Variants in NSG2 observed in about 807,000 individuals in gnomAD.
The protein encoded by NSG2 is neuronal vesicle trafficking associated 2.
NSG2 carries 4 observed loss-of-function variants against 16.9 expected under a neutral mutation model. The ratio of observed to expected loss-of-function variants is 0.24; its 90% CI spans 0.12 to 0.54. The LOEUF (loss-of-function observed/expected upper bound fraction) is 0.54, where lower values mean the gene tolerates loss of function less well. Among genes scored for constraint, NSG2 ranks in the 20% least tolerant of loss-of-function variants. The probability of loss-of-function intolerance (pLI) is 0.95; values close to 1 mark genes in which losing one functional copy is unlikely to be tolerated. For synonymous variants in NSG2, 98 were observed against 88.7 expected, an observed-to-expected ratio of 1.11 and a Z score of -0.59; for missense variants, 179 against 221.1, an observed-to-expected ratio of 0.81 and a Z score of 1.21.
intron 3 of NSG2, among the ~76,000 whole-genome samples, chr5:174,073,536 C>G (rs1261897756): frequency 6.6e-6 from 1 of 152,218 alleles, no homozygotes; most frequent in Non-Finnish European, 1.5e-5. Flanking sequence ...TATTGAAAAT[C>G]AGACTGAAGA....
At chr5:174,078,664 G>A in intron 3 of NSG2, among the ~76,000 whole-genome samples, 1 of 152,128 alleles carries the variant, frequency 6.6e-6, no homozygotes, top group East Asian at 1.9e-4. Flanking sequence ...TGGGGCCTTT[G>A]GGAAGTGATT....
intron 3 of NSG2, among the ~76,000 whole-genome samples, chr5:174,101,850 T>C (rs1355658163): frequency 2.0e-5 from 3 of 152,196 alleles, no homozygotes; most frequent in Non-Finnish European, 4.4e-5. Flanking sequence ...TTTCCTGTAC[T>C]ATTCAAATAG....
chr5:174,057,943 A>G (rs765711993), intron 2 of NSG2, among the ~76,000 whole-genome samples: 4 of 152,102 alleles, frequency 2.6e-5, no homozygotes, highest in Non-Finnish European at 5.9e-5. Context: ...ACCATGTCCT[A>G]TATTGGGGTA....
intron 3 of NSG2, among the ~76,000 whole-genome samples, chr5:174,080,942 C>A (rs1280098026): frequency 6.6e-6 from 1 of 151,730 alleles, no homozygotes; most frequent in Non-Finnish European, 1.5e-5. Flanking sequence ...GCTGTAAGAT[C>A]ATTTTTGCAG....
At chr5:174,047,180 A>G (rs1320963497) in intron 2 of NSG2, among the ~76,000 whole-genome samples, 3 of 152,208 alleles carry the variant, frequency 2.0e-5, no homozygotes, top group South Asian at 4.1e-4. Flanking sequence ...CTAGGTGGTG[A>G]CAGAAAATTC....
chr5:174,080,527 C>CCCTCTTTCTTTCTT (rs1206641216), intron 3 of NSG2, among the ~76,000 whole-genome samples: 34 of 84,946 alleles, frequency 4.0e-4, no homozygotes, highest in Middle Eastern at 0.014. Flanking sequence ...TTCTTTCTTT[C>CCCTCTTTCTTTCTT]TCTCTCTCTC....
At chr5:174,068,144 C>T (rs762777380) in intron 3 of NSG2, among the ~76,000 whole-genome samples, 1 of 152,182 alleles carries the variant, frequency 6.6e-6, no homozygotes, top group Non-Finnish European at 1.5e-5. Flanking sequence ...TGCAAAGGTG[C>T]ACCCCTTCTC....
intron 2 of NSG2, 70 bp downstream of exon 2, chr5:174,046,954 A>T (rs1759810246): frequency 6.5e-7 from 1 of 1,529,580 alleles, no homozygotes; most frequent in Admixed American, 1.8e-5. Flanking sequence ...GCAGCAAAAA[A>T]TTCCACCCCC....
intron 2 of NSG2, chr5:174,056,256 C>T (rs1005175863): frequency 8.5e-5 from 13 of 152,096 alleles, no homozygotes; most frequent in Admixed American, 2.6e-4. Context: ...GACTCAGGCT[C>T]CTTATCTGTA....
intron 3 of NSG2, among the ~76,000 whole-genome samples, chr5:174,092,964 G>A (rs1301337542): frequency 6.6e-6 from 1 of 152,186 alleles, no homozygotes; most frequent in Non-Finnish European, 1.5e-5. Flanking sequence ...ATTGTAATAA[G>A]TGTTTTTCCT....
At chr5:174,076,225 A>G (rs1366545649) in intron 3 of NSG2, among the ~76,000 whole-genome samples, 2 of 152,248 alleles carry the variant, frequency 1.3e-5, no homozygotes, top group Non-Finnish European at 2.9e-5. Context: ...CCCGGCATGC[A>G]GTAGCCCCTA....
rs1760353927 is a variant in NSG2 at position 174,076,923 on chromosome 5, C to G, written c.213+12608C>G. Among the ~76,000 whole-genome samples the G allele has an allele frequency of 2.0e-5, 3 of 152,232 alleles. No homozygotes were observed. In the South Asian group the frequency reaches 6.2e-4, roughly 32 times the overall value. On this transcript the variant is annotated intron_variant, in intron 3 of 4. Coordinates refer to ENST00000303177, the MANE Select transcript of NSG2 (RefSeq NM_015980.5). ...GGATTTACCAGCATGTTCGCTGGGT[C>G]TAAAACCAGAAATCAAACCATAGTC... is the stretch of plus-strand genomic sequence containing the variant.
Position 174,071,421 on chromosome 5 carries a change from G to A in NSG2, c.213+7106G>A, listed in dbSNP as rs190949485. ...GGAATTGCTTGAACCCGAGAGGTGC[G>A]GCTTGCAGTGAGCTGAGATCGCACC... is the stretch of plus-strand genomic sequence containing the variant. On this transcript the variant is annotated intron_variant, in intron 3 of 4. Transcript: ENST00000303177. 9.1e-4 allele frequency among the ~76,000 whole-genome samples: 138 copies of A among 152,230 alleles called. 4 individuals are homozygous for A. In the East Asian group the frequency reaches 0.02, roughly 22 times the overall value.
At chr5:174,085,329 A>G (rs1490281316) in intron 3 of NSG2, among the ~76,000 whole-genome samples, 1 of 152,126 alleles carries the variant, frequency 6.6e-6, no homozygotes, top group Middle Eastern at 3.4e-3. Context: ...TGAAGGTAAC[A>G]CAGCCAGGAA....
rs114705092 is a variant in NSG2, at chr5:174,057,722, T to C, written c.130-6510T>C. On this transcript the variant is annotated intron_variant, in intron 2 of 4. Coordinates refer to ENST00000303177, the MANE Select transcript of NSG2 (RefSeq NM_015980.5). ...TAGCATGGCATTCAGAGCCTCTGTG[T>C]GCCTCTCTAGCTTCCTCCCTGTCAC... Among the ~76,000 whole-genome samples, 1,015 of 152,344 alleles carry C rather than the reference T, an allele frequency of 6.7e-3. 11 individuals are homozygous for C. Among genetic ancestry groups the C allele is most frequent in the African/African-American group, 0.024 (978 of 41,572 alleles).
At chr5:174,070,173 C>T (rs923037002) in intron 3 of NSG2, among the ~76,000 whole-genome samples, 104 of 152,254 alleles carry the variant, frequency 6.8e-4, no homozygotes, top group African/African-American at 2.4e-3. Flanking sequence ...AGGTGTGAGC[C>T]ATCATGCCCC....
intron 3 of NSG2, among the ~76,000 whole-genome samples, chr5:174,091,534 AGG>A (rs1441049308): frequency 2.6e-5 from 4 of 152,090 alleles, no homozygotes; most frequent in Admixed American, 2.0e-4. Flanking sequence ...GCTTGCTCAA[AGG>A]GGAAGTCTGG....
Position 174,072,133 on chromosome 5 carries a change from C to T in NSG2, c.213+7818C>T, listed in dbSNP as rs1284267700. ...GTCTCTAGTGACTGTCCTTTCTTCT[C>T]TGTTCTCACTCCAACACTCTGGTTC... is the stretch of plus-strand genomic sequence containing the variant. On this transcript the variant is annotated intron_variant, in intron 3 of 4. Coordinates refer to ENST00000303177, the MANE Select transcript of NSG2 (RefSeq NM_015980.5). This position sits in a 1 kb window ranked among gnomAD's most constrained non-coding sequence, Gnocchi z 4.0. Among the ~76,000 whole-genome samples, 1 of 152,178 alleles carries T rather than the reference C, an allele frequency of 6.6e-6. No individual in the cohort carries two copies. Among genetic ancestry groups the T allele is most frequent in the Non-Finnish European group, 1.5e-5 (1 of 68,028 alleles).
At chr5:174,073,008 G>A (rs1302859511) in intron 3 of NSG2, among the ~76,000 whole-genome samples, 1 of 152,122 alleles carries the variant, frequency 6.6e-6, no homozygotes. Flanking sequence ...ATGAATGAAT[G>A]CATAAGGAGG....
Sources: allele counts gnomAD v4.1 joint callset (sites outside exome capture counted in the v4.1 genomes callset), GRCh38; gene constraint gnomAD v4.1.1; non-coding constraint Gnocchi (gnomAD v3.1); transcripts MANE v1.5; gene names NCBI Gene and HGNC (gene_info 2026-07-23, HGNC 2026-07-21).